Variants in ZC3H4 observed in about 807,000 individuals in gnomAD.
The protein encoded by ZC3H4 is zinc finger CCCH domain-containing protein 4.
A neutral mutation model predicts 108.3 loss-of-function variants in ZC3H4; 13 were observed. The observed-to-expected ratio is 0.12, with a 90% CI of 0.08 to 0.19. The LOEUF (loss-of-function observed/expected upper bound fraction) is 0.19, where lower values mean the gene tolerates loss of function less well. ZC3H4 is among the 10% of genes least tolerant of loss of function. The pLI is 1.00. For missense variants in ZC3H4, 1,734 were observed against 1,838.8 expected, an observed-to-expected ratio of 0.94 and a Z score of 1.04; for synonymous variants, 917 against 749.6, an observed-to-expected ratio of 1.22 and a Z score of -3.65.
At chr19:47,109,006 C>CT (rs1188241009) in intron 2 of ZC3H4, among the ~76,000 whole-genome samples, 6 of 152,056 alleles carry the variant, frequency 3.9e-5, no homozygotes, top group Non-Finnish European at 8.8e-5. Flanking sequence ...CAAGTTAAAT[C>CT]TCTCACCCAG....
At chr19:47,104,996 G>A (rs142907763) in intron 2 of ZC3H4, among the ~76,000 whole-genome samples, 11 of 151,984 alleles carry the variant, frequency 7.2e-5, no homozygotes, top group Non-Finnish European at 1.0e-4. Flanking sequence ...CCATTTAAGA[G>A]GGTTTAAAAG....
At chr19:47,073,146 G>A (rs1279094768) in intron 11 of ZC3H4, among the ~76,000 whole-genome samples, 1 of 151,962 alleles carries the variant, frequency 6.6e-6, no homozygotes, top group Non-Finnish European at 1.5e-5. Flanking sequence ...GGTAGTGCAC[G>A]CCTGTAGTCT....
Position 47,067,187 on chromosome 19 carries a change from C to G in ZC3H4, c.3081G>C (p.Pro1027=). ...TAGPPNARQR[P]GASTDSSTQG... ...GTGTGCTGGAATCCGTGGAGGCGCC[C>G]GGGCGCTGCCGGGCGTTGGGGGGCC... The change falls in exon 15 of 15, where the codon CCG becomes CCC. Residue 1027 remains proline (P), a synonymous_variant. Coordinates refer to ENST00000253048, the MANE Select transcript of ZC3H4 (RefSeq NM_015168.2). This position sits in a 1 kb window ranked among gnomAD's most constrained non-coding sequence, Gnocchi z 6.4. 1.2e-6 allele frequency: 2 copies of G among 1,610,314 alleles called. No homozygotes were observed. Among genetic ancestry groups the G allele is most frequent in the Non-Finnish European group, 1.7e-6 (2 of 1,178,232 alleles).
At position 47,095,579 on chromosome 19, in the gene ZC3H4, T is replaced by C. The variant is rs542524490; in HGVS notation, c.162-971A>G. On this transcript the variant is annotated intron_variant, in intron 2 of 14. Transcript: ENST00000253048. ...ACCCCAATCTCCAGGACTTTAAAAG[T>C]GCTCTCCAAACATGACAGACACTGC... Among the ~76,000 whole-genome samples, 256 of 152,256 alleles carry C rather than the reference T, an allele frequency of 1.7e-3. 1 individual carries two copies. The highest frequency in any genetic ancestry group is 3.3e-3 in the Admixed American group (51 of 15,290).
intron 5 of ZC3H4, among the ~76,000 whole-genome samples, chr19:47,088,606 C>T (rs2057675157): frequency 6.6e-6 from 1 of 151,846 alleles, no homozygotes; most frequent in Admixed American, 6.6e-5. Context: ...TGCAGTGAGC[C>T]TAAATCGTGC....
In ZC3H4 at chr19:47,103,298, A is replaced by G. The variant is rs201164621; in HGVS notation, c.162-8690T>C. Among the ~76,000 whole-genome samples the G allele has an allele frequency of 2.6e-5, 4 of 152,236 alleles. No homozygotes were observed. In the East Asian group the frequency reaches 5.8e-4, roughly 22 times the overall value. On this transcript the variant is annotated intron_variant, in intron 2 of 14. Coordinates refer to ENST00000253048, the MANE Select transcript of ZC3H4 (RefSeq NM_015168.2). ...TATGAACTAAGACTTCTCTTTGTTT[A>G]TAATTATTTATTTATTTATTTCTAC...
chr19:47,071,869 C>T lies in ZC3H4; in HGVS notation c.2055G>A (p.Met685Ile), dbSNP rs771859235. Residue 685 changes from methionine (M) to isoleucine (I), a missense_variant, in exon 13 of 15, where the codon ATG (methionine) becomes ATA (isoleucine). By Grantham distance (10) the Met-to-Ile change is conservative. Coordinates refer to ENST00000253048, the MANE Select transcript of ZC3H4 (RefSeq NM_015168.2). ...AGTTCTGGGCTGGCGGGATAGGGGG[C>T]ATCATTCCAGAATGTGGGGAGTCTC... Reference protein sequence around the residue: ...GPGDSPHSGMMPPIPPAQNFY... With the variant: ...GPGDSPHSGMIPPIPPAQNFY... 6.2e-7 allele frequency: 1 copy of T among 1,613,364 alleles called. No individual in the cohort carries two copies. Among genetic ancestry groups the T allele is most frequent in the South Asian group, 1.1e-5 (1 of 90,980 alleles).
intron 1 of ZC3H4, 35 bp from the exon 2 acceptor site, chr19:47,112,624 G>T (rs2058055449): frequency 1.6e-6 from 2 of 1,218,004 alleles, no homozygotes; most frequent in Non-Finnish European, 2.1e-6. Context: ...GCACGAAAAA[G>T]GACTGCTTGG....
chr19:47,079,609 T>TG (rs1372950579), intron 11 of ZC3H4, among the ~76,000 whole-genome samples: 2 of 152,070 alleles, frequency 1.3e-5, no homozygotes, highest in African/African-American at 4.8e-5. Context: ...TACATAACCC[T>TG]GGGGCATGCC....
At chr19:47,088,000 C>T (rs753118330) in intron 5 of ZC3H4, among the ~76,000 whole-genome samples, 6 of 151,430 alleles carry the variant, frequency 4.0e-5, no homozygotes, top group South Asian at 2.1e-4. Context: ...GGTGAAACCT[C>T]ATCTCTACTA....
Position 47,066,821 on chromosome 19 carries a change from G to A in ZC3H4, c.3447C>T (p.Tyr1149=), listed in dbSNP as rs751113699. The change falls in exon 15 of 15, where the codon TAC becomes TAT. Residue 1149 remains tyrosine, a synonymous_variant. Coordinates refer to ENST00000253048, the MANE Select transcript of ZC3H4 (RefSeq NM_015168.2). ...QSSVLSGISL[Y]DPRTPNAGGK... ...CCCCCGCGTTGGGAGTCCTCGGGTC[G>A]TAGAGGCTGATACCGCTCAGCACAC... is the stretch of plus-strand genomic sequence containing the variant. 1.8e-5 allele frequency: 28 copies of A among 1,599,986 alleles called. No individual in the cohort carries two copies. The highest frequency in any genetic ancestry group is 6.7e-5 in the African/African-American group (5 of 74,910).
In ZC3H4 at chr19:47,071,965, C is replaced by CT. The variant is rs746693188; in HGVS notation, c.1958_1959insA (p.Met654AspfsTer43). The CT allele has an allele frequency of 6.2e-7, 1 of 1,611,934 alleles. No individual in the cohort carries two copies. The highest frequency in any genetic ancestry group is 1.1e-5 in the South Asian group (1 of 90,890). ...GGCCAGGATTCATGCCAGGGCCCAT[C>CT]GGCATGTCTGCGTGCATGTCTGCGT... is the stretch of plus-strand genomic sequence containing the variant. On this transcript the variant is annotated frameshift_variant, in exon 13 of 15. Transcript: ENST00000253048. LOFTEE classifies it high-confidence loss of function.
intron 5 of ZC3H4, among the ~76,000 whole-genome samples, chr19:47,087,063 G>C (rs1600062915): frequency 1.3e-5 from 2 of 151,730 alleles, no homozygotes; most frequent in African/African-American, 4.8e-5. Context: ...ATCACCTTAG[G>C]TCAGGAGTTT....
rs1034382745 is a variant in ZC3H4, at chr19:47,085,181, G to A, written c.982C>T (p.Arg328Cys). The change falls in exon 8 of 15, where the codon CGT becomes TGT. Residue 328 changes from arginine (R) to cysteine (C), a missense_variant. Physicochemically the swap from Arg to Cys is radical, Grantham distance 180. This residue lies in a region of ZC3H4 where 403 missense variants were observed against 457.0 expected (regional missense o/e 0.88). Coordinates refer to ENST00000253048, the MANE Select transcript of ZC3H4 (RefSeq NM_015168.2). ...CCTCGACCTCGGGAGCCCCTGCCAC[G>A]GCCTCGACTTAGCCCTGTGGAGGGG... Reference protein sequence around the residue: ...DSRGRGLSRGRGRGSRGRGKG... With the variant: ...DSRGRGLSRGCGRGSRGRGKG... The A allele has an allele frequency of 7.4e-6, 12 of 1,613,084 alleles. No individual in the cohort carries two copies. Among genetic ancestry groups the A allele is most frequent in the African/African-American group, 2.7e-5 (2 of 74,600 alleles).
In ZC3H4 at chr19:47,090,017, T is replaced by C; in HGVS notation, c.665A>G (p.Lys222Arg). ...MGKEDYDDFT[K>R]ELNQYRRAKE... ...GGCACGCCGGTACTGGTTCAGCTCT[T>C]TGGTGAAGTCGTCATAGTCCTCCTT... The change falls in exon 5 of 15, where the codon AAA becomes AGA. Residue 222 changes from lysine (K) to arginine (R), a missense_variant. Coordinates refer to ENST00000253048, the MANE Select transcript of ZC3H4 (RefSeq NM_015168.2). 1 of 1,614,192 alleles carries C rather than the reference T, an allele frequency of 6.2e-7. No homozygotes were observed. Among genetic ancestry groups the C allele is most frequent in the Non-Finnish European group, 8.5e-7 (1 of 1,180,030 alleles).
intron 11 of ZC3H4, among the ~76,000 whole-genome samples, chr19:47,079,667 G>GT (rs2122812031): frequency 6.6e-6 from 1 of 152,282 alleles, no homozygotes; most frequent in Non-Finnish European, 1.5e-5. Context: ...GGAGGCCAAG[G>GT]TGGGCGGATC....
chr19:47,086,589 C>A, intron 5 of ZC3H4, 51 bp from the exon 6 acceptor site: 1 of 1,519,592 alleles, frequency 6.6e-7, no homozygotes, highest in Non-Finnish European at 8.7e-7. Context: ...ATGCCACCAG[C>A]AAGAAAGAAG....
At chr19:47,095,523 C>G (rs1432412367) in intron 2 of ZC3H4, among the ~76,000 whole-genome samples, 1 of 152,152 alleles carries the variant, frequency 6.6e-6, no homozygotes, top group African/African-American at 2.4e-5. Flanking sequence ...TTCTGGCTCC[C>G]CATCCTACAC....
chr19:47,071,824 C>A lies in ZC3H4; in HGVS notation c.2100G>T (p.Gln700His). Residue 700 changes from glutamine to histidine, a missense_variant, in exon 13 of 15, where the codon CAG (glutamine) becomes CAT (histidine). Physicochemically the swap from Gln to His is conservative, Grantham distance 24. Around this residue, in one of 9 missense-constraint regions of ZC3H4, gnomAD observed 540 missense variants for 484.1 expected, o/e 1.12. Transcript: ENST00000253048. ...PAQNFYENFY[Q>H]QQEGMEMEPG... is the part of the protein sequence containing the mutation. ...GCTCCATCTCCATGCCCTCCTGCTG[C>A]TGGTAGAAGTTTTCATAGAAGTTCT... 1 of 1,613,538 alleles carries A rather than the reference C, an allele frequency of 6.2e-7. No homozygotes were observed. The highest frequency in any genetic ancestry group is 8.5e-7 in the Non-Finnish European group (1 of 1,179,890).
Sources: gnomAD v4.1 joint callset for allele counts (sites outside exome capture counted in the v4.1 genomes callset) on GRCh38, gnomAD v4.1.1 for gene constraint, gnomAD v4.1.1 regional missense constraint, Gnocchi (gnomAD v3.1) non-coding constraint, MANE v1.5 for transcripts, NCBI Gene and HGNC (gene_info 2026-07-23, HGNC 2026-07-21) for gene names.